Variants in DNAH14 observed in about 807,000 individuals in gnomAD.
DNAH14 encodes the protein axonemal beta dynein heavy chain 14.
A neutral mutation model predicts 520.9 loss-of-function variants in DNAH14; 478 were observed. That is an observed-to-expected ratio of 0.92 (90% CI 0.85 to 0.99). The LOEUF (loss-of-function observed/expected upper bound fraction) is 0.99. Ranked by LOEUF, DNAH14 falls within the 50% of genes least tolerant of loss-of-function variation. The pLI is 0.00. For missense variants in DNAH14, 4,831 were observed against 5,234.5 expected (o/e 0.92, Z 2.38); for synonymous variants, 1,581 against 1,757.2 (o/e 0.90, Z 2.51).
At chr1:225,398,726 C>A in intron 85 of DNAH14, 60 bp downstream of exon 85, 1 of 1,525,382 alleles carries the variant, frequency 6.6e-7, no homozygotes, top group South Asian at 1.2e-5. Context: ...CAGTAATATA[C>A]AAACCACTCT....
At chr1:225,168,859 G>A (rs1290423916) in intron 36 of DNAH14, among the ~76,000 whole-genome samples, 3 of 152,184 alleles carry the variant, frequency 2.0e-5, no homozygotes, top group Non-Finnish European at 4.4e-5. Context: ...CTCCTCAAGT[G>A]GGTCTCTGAC....
At chr1:225,121,779 T>G (rs1051683740) in intron 26 of DNAH14, among the ~76,000 whole-genome samples, 1 of 151,936 alleles carries the variant, frequency 6.6e-6, no homozygotes, top group Non-Finnish European at 1.5e-5. Flanking sequence ...AGGCGGAGGT[T>G]GCAGTGAGCT....
At chr1:225,075,024 G>A (rs982081120) in intron 17 of DNAH14, among the ~76,000 whole-genome samples, 3 of 152,184 alleles carry the variant, frequency 2.0e-5, no homozygotes. Context: ...TTGCTGGAAA[G>A]CCTGGAGCTG....
intron 10 of DNAH14, among the ~76,000 whole-genome samples, chr1:225,011,035 T>C (rs747309446): frequency 6.7e-6 from 1 of 149,774 alleles, no homozygotes; most frequent in Non-Finnish European, 1.5e-5. Context: ...GTTAATCTCT[T>C]GAAAAAAAAA....
At chr1:225,187,788 T>C (rs1573842150) in intron 37 of DNAH14, among the ~76,000 whole-genome samples, 1 of 151,892 alleles carries the variant, frequency 6.6e-6, no homozygotes, top group South Asian at 2.1e-4. Flanking sequence ...CATTTTTAAA[T>C]TGTTATCTTT....
In DNAH14 at chr1:225,346,574, CAGA is replaced by C. The variant is rs1191612527; in HGVS notation, c.11224_11226del (p.Glu3742del). Reference sequence around the variant, plus strand: ...ATACAGGATGACATTGGATTCCTACCAGAAGAAGAATGGAACATCTTTTTATAT... The same window carrying C: ...ATACAGGATGACATTGGATTCCTACCAGAAGAATGGAACATCTTTTTATAT... On this transcript the variant is annotated inframe_deletion, in exon 71 of 86. Coordinates refer to ENST00000682510, the MANE Select transcript of DNAH14 (RefSeq NM_001367479.1). The C allele has an allele frequency of 1.9e-6, 3 of 1,550,696 alleles. No homozygotes were observed. Among genetic ancestry groups the C allele is most frequent in the Admixed American group, 3.9e-5 (2 of 50,950 alleles).
At chr1:225,021,539 C>T (rs917447853) in intron 10 of DNAH14, among the ~76,000 whole-genome samples, 1 of 151,894 alleles carries the variant, frequency 6.6e-6, no homozygotes, top group Non-Finnish European at 1.5e-5. Flanking sequence ...TCACAATAGC[C>T]ACAATAAGAA....
intron 6 of DNAH14, chr1:224,967,791 T>C (rs2061278361): frequency 7.0e-7 from 1 of 1,424,682 alleles, no homozygotes; most frequent in Non-Finnish European, 9.2e-7. Flanking sequence ...AAGATTCAAC[T>C]TTAATAAATT....
At chr1:225,214,200 T>C (rs1379625284) in intron 41 of DNAH14, among the ~76,000 whole-genome samples, 1 of 152,242 alleles carries the variant, frequency 6.6e-6, no homozygotes, top group East Asian at 1.9e-4. Flanking sequence ...GTTTATATGA[T>C]GGATTACGTT....
chr1:225,155,732 T>C (rs2080967151), intron 34 of DNAH14, among the ~76,000 whole-genome samples: 1 of 152,144 alleles, frequency 6.6e-6, no homozygotes, highest in Admixed American at 6.5e-5. Flanking sequence ...CAGGAAACTG[T>C]CTCCTGCCAC....
At chr1:225,103,895 C>T (rs1364317725) in intron 23 of DNAH14, among the ~76,000 whole-genome samples, 2 of 148,602 alleles carry the variant, frequency 1.3e-5, no homozygotes, top group African/African-American at 2.5e-5. Context: ...CTTCCCCTGC[C>T]TGATTGCCCT....
chr1:224,972,800 A>G (rs962596790), intron 7 of DNAH14, among the ~76,000 whole-genome samples: 4 of 152,098 alleles, frequency 2.6e-5, no homozygotes, highest in African/African-American at 9.7e-5. Context: ...TTTTTCTTAG[A>G]TCACTATATT....
chr1:225,080,679 A>G lies in DNAH14; in HGVS notation c.3067A>G (p.Ser1023Gly), dbSNP rs991723687. 6.4e-7 allele frequency: 1 copy of G among 1,551,326 alleles called. No individual in the cohort carries two copies. The highest frequency in any genetic ancestry group is 1.4e-5 in the African/African-American group (1 of 73,048). ...GGAATGGAGGAATAGTTCTCTTCAA[A>G]GTATTGATGTAGAATCAGTACAGAG... ...SWEWRNSSLQ[S>G]IDVESVQRNV... Residue 1023 changes from serine to glycine, a missense_variant, in exon 19 of 86, where the codon AGT (serine) becomes GGT (glycine). By Grantham distance (56) the Ser-to-Gly change is moderately conservative. Transcript: ENST00000682510.
chr1:225,112,584 G>T (rs2076566264), intron 23 of DNAH14, among the ~76,000 whole-genome samples: 1 of 152,032 alleles, frequency 6.6e-6, no homozygotes, highest in Non-Finnish European at 1.5e-5. Context: ...TTTAAGGCCA[G>T]TAACTCTTAG....
At position 225,163,162 on chromosome 1, in the gene DNAH14, AG is replaced by A. The variant is rs1379506154; in HGVS notation, c.5445+3679del. On this transcript the variant is annotated intron_variant, in intron 35 of 85. Transcript: ENST00000682510. ...CAAAAAAAAAAAAAAAAAAAAAAAA[AG>A]GAAAAAGAAATGCTACTGATTTTTT... Among the ~76,000 whole-genome samples, 73 of 146,250 alleles carry A rather than the reference AG, an allele frequency of 5.0e-4. 2 individuals are homozygous for A. In the South Asian group the frequency reaches 0.016, roughly 32 times the overall value.
At chr1:225,119,917 A>T (rs563052428) in intron 26 of DNAH14, among the ~76,000 whole-genome samples, 21 of 152,316 alleles carry the variant, frequency 1.4e-4, no homozygotes, top group Admixed American at 4.6e-4. Context: ...TAGAGCAGAG[A>T]AGATTATGAT....
chr1:225,115,681 T>C (rs1042600818), intron 23 of DNAH14, among the ~76,000 whole-genome samples: 1 of 152,214 alleles, frequency 6.6e-6, no homozygotes, highest in Non-Finnish European at 1.5e-5. Context: ...TGGTTAATAA[T>C]AGCCGGTTTA....
intron 54 of DNAH14, among the ~76,000 whole-genome samples, chr1:225,287,240 G>A: frequency 6.6e-6 from 1 of 152,144 alleles, no homozygotes; most frequent in East Asian, 1.9e-4. Flanking sequence ...TGGAGGTCTG[G>A]TAATCCCAGG....
At chr1:225,335,175 A>G (rs2094908902) in intron 66 of DNAH14, among the ~76,000 whole-genome samples, 1 of 138,850 alleles carries the variant, frequency 7.2e-6, no homozygotes, top group African/African-American at 2.5e-5. Context: ...GCATGTGTAC[A>G]TGTGCGCATG....
Sources: gnomAD v4.1 joint callset for allele counts (sites outside exome capture counted in the v4.1 genomes callset) on GRCh38, gnomAD v4.1.1 for gene constraint, MANE v1.5 for transcripts, NCBI Gene and HGNC (gene_info 2026-07-23, HGNC 2026-07-21) for gene names.